Variants in SKAP1 observed in about 807,000 individuals in gnomAD.
The protein encoded by SKAP1 is src kinase-associated phosphoprotein 1.
In SKAP1, 44 loss-of-function variants were observed where a neutral mutation model predicts 58.5. The observed-to-expected ratio is 0.75, with a 90% CI of 0.59 to 0.97. SKAP1 has a LOEUF of 0.97. SKAP1 is among the 50% of genes least tolerant of loss of function. The pLI is 0.00. For missense variants in SKAP1, 390 were observed against 435.2 expected, an observed-to-expected ratio of 0.90 and a Z score of 0.92; for synonymous variants, 127 against 149.7, an observed-to-expected ratio of 0.85 and a Z score of 1.11.
chr17:48,137,190 C>T, intron 12 of SKAP1, 39 bp downstream of exon 12: 4 of 1,315,918 alleles, frequency 3.0e-6, no homozygotes, highest in South Asian at 2.5e-5. Context: ...ACAAGTTCCA[C>T]TCAACTATTA....
At chr17:48,374,454 G>A (rs1388548939) in intron 2 of SKAP1, among the ~76,000 whole-genome samples, 1 of 152,108 alleles carries the variant, frequency 6.6e-6, no homozygotes, top group Non-Finnish European at 1.5e-5. Flanking sequence ...CTCTGATAAT[G>A]GCTGTCTCCA....
At chr17:48,230,616 T>G (rs2065115662) in intron 4 of SKAP1, among the ~76,000 whole-genome samples, 1 of 151,864 alleles carries the variant, frequency 6.6e-6, no homozygotes, top group Non-Finnish European at 1.5e-5. Context: ...ATTAGCCAGG[T>G]GTGGTGGTGT....
chr17:48,197,257 CAAAAA>C (rs35979686), intron 4 of SKAP1, among the ~76,000 whole-genome samples: 1 of 97,614 alleles, frequency 1.0e-5, no homozygotes. Flanking sequence ...GACTCCGACT[CAAAAA>C]AAAAAAAAAA....
chr17:48,368,889 C>T (rs116070449), intron 2 of SKAP1, among the ~76,000 whole-genome samples: 1,902 of 152,272 alleles, frequency 0.012, 47 homozygotes, highest in African/African-American at 0.044. Flanking sequence ...GATGTTTTGG[C>T]CAGGCACTGT....
At chr17:48,262,064 G>A (rs1488705860) in intron 4 of SKAP1, among the ~76,000 whole-genome samples, 1 of 152,214 alleles carries the variant, frequency 6.6e-6, no homozygotes. Context: ...AACATATTGA[G>A]ACATGAATGC....
chr17:48,231,010 A>G (rs1291870317), intron 4 of SKAP1, among the ~76,000 whole-genome samples: 1 of 152,220 alleles, frequency 6.6e-6, no homozygotes, highest in Non-Finnish European at 1.5e-5. Context: ...TGAAGAAAGA[A>G]GGCTGTGGGC....
At chr17:48,231,172 C>T (rs1208677635) in intron 4 of SKAP1, among the ~76,000 whole-genome samples, 1 of 152,168 alleles carries the variant, frequency 6.6e-6, no homozygotes, top group Non-Finnish European at 1.5e-5. Flanking sequence ...AAAGATACCT[C>T]TAGAGCCTTG....
At chr17:48,405,750 G>A (rs1389756900) in intron 1 of SKAP1, among the ~76,000 whole-genome samples, 2 of 151,244 alleles carry the variant, frequency 1.3e-5, no homozygotes, top group Non-Finnish European at 2.9e-5. Flanking sequence ...CGTCCGTCTC[G>A]GTTTCCCAAA....
At chr17:48,225,483 C>T (rs1047245592) in intron 4 of SKAP1, among the ~76,000 whole-genome samples, 1 of 152,134 alleles carries the variant, frequency 6.6e-6, no homozygotes, top group African/African-American at 2.4e-5. Flanking sequence ...ATGATTTGCA[C>T]TCTTTGGGAG....
intron 2 of SKAP1, among the ~76,000 whole-genome samples, chr17:48,374,482 A>G (rs1372822689): frequency 6.6e-6 from 1 of 152,206 alleles, no homozygotes; most frequent in African/African-American, 2.4e-5. Flanking sequence ...TGCAAAGGCT[A>G]ACACTGAAGA....
intron 4 of SKAP1, among the ~76,000 whole-genome samples, chr17:48,246,697 G>A (rs1021716577): frequency 3.3e-5 from 5 of 152,162 alleles, no homozygotes; most frequent in African/African-American, 1.2e-4. Context: ...ACAGTGCAGA[G>A]ATCTCTGAGA....
chr17:48,337,296 G>A (rs2066585847), intron 4 of SKAP1, among the ~76,000 whole-genome samples: 1 of 152,202 alleles, frequency 6.6e-6, no homozygotes, highest in Non-Finnish European at 1.5e-5. Flanking sequence ...TCTAGACTAA[G>A]ACGTGGTTCA....
At chr17:48,288,898 A>G (rs2065866816) in intron 4 of SKAP1, among the ~76,000 whole-genome samples, 1 of 152,176 alleles carries the variant, frequency 6.6e-6, no homozygotes, top group African/African-American at 2.4e-5. Flanking sequence ...GTATAGCAAA[A>G]TAGCTACTTG....
chr17:48,265,522 AAGCAAGCAAGCT>A (rs2065536918), intron 4 of SKAP1, among the ~76,000 whole-genome samples: 1 of 151,928 alleles, frequency 6.6e-6, no homozygotes, highest in African/African-American at 2.4e-5. Context: ...GCAAGCAAGC[AAGCAAGCAAGCT>A]ATGACACTGT....
At chr17:48,283,574 G>A (rs1361926757) in intron 4 of SKAP1, among the ~76,000 whole-genome samples, 1 of 152,178 alleles carries the variant, frequency 6.6e-6, no homozygotes, top group Non-Finnish European at 1.5e-5. Flanking sequence ...TGTTGACTTG[G>A]CTGACTGGCT....
At chr17:48,346,164 T>C (rs908639446) in intron 3 of SKAP1, among the ~76,000 whole-genome samples, 158 bp from the exon 4 acceptor site, 4 of 152,130 alleles carry the variant, frequency 2.6e-5, no homozygotes, top group African/African-American at 9.7e-5. Context: ...CATTAACATA[T>C]AGGAAACAGT....
intron 4 of SKAP1, among the ~76,000 whole-genome samples, chr17:48,313,523 C>A (rs2066251816): frequency 6.6e-6 from 1 of 152,180 alleles, no homozygotes; most frequent in African/African-American, 2.4e-5. Flanking sequence ...AGGTTTCAAG[C>A]TGCTTGGCAA....
At chr17:48,183,648 C>T (rs1050342298) in intron 7 of SKAP1, among the ~76,000 whole-genome samples, 1 of 151,924 alleles carries the variant, frequency 6.6e-6, no homozygotes, top group African/African-American at 2.4e-5. Flanking sequence ...TAAACTTTTA[C>T]CTGGATGTGT....
intron 4 of SKAP1, among the ~76,000 whole-genome samples, chr17:48,316,063 T>A (rs1598558050): frequency 6.6e-6 from 1 of 152,294 alleles, no homozygotes; most frequent in East Asian, 1.9e-4. Flanking sequence ...TCTCCCCTCT[T>A]CCACTCCTAT....
Sources: allele counts gnomAD v4.1 joint callset (sites outside exome capture counted in the v4.1 genomes callset), GRCh38; gene constraint gnomAD v4.1.1; transcripts MANE v1.5; gene names NCBI Gene and HGNC (gene_info 2026-07-23, HGNC 2026-07-21).